KCNT2: variants seen among roughly 807,000 people sequenced by gnomAD.
KCNT2 encodes potassium channel subfamily T member 2.
In KCNT2, 67 loss-of-function variants were observed where a neutral mutation model predicts 153.8. That is an observed-to-expected ratio of 0.44 (90% CI 0.36 to 0.53). The LOEUF (loss-of-function observed/expected upper bound fraction) is 0.53, where lower values mean the gene tolerates loss of function less well. KCNT2 is among the 20% of genes least tolerant of loss of function. The pLI is 0.00. For synonymous variants in KCNT2, 500 were observed against 458.8 expected (o/e 1.09, Z -1.15); for missense variants, 975 against 1,354.8 (o/e 0.72, Z 4.40).
Position 196,526,057 on chromosome 1 carries a change from G to GTGTC in KCNT2, c.96-33717_96-33716insGACA, listed in dbSNP as rs903127531. ...TGTGTGTGTGTGTGTGTGTGTGTGT[G>GTGTC]AATCAGCACACTGAGGGGTACGCAA... On this transcript the variant is annotated intron_variant, in intron 1 of 27. Transcript: ENST00000294725. Among the ~76,000 whole-genome samples the GTGTC allele has an allele frequency of 1.2e-4, 18 of 149,430 alleles. 1 individual carries two copies. The highest frequency in any genetic ancestry group is 1.8e-4 in the Non-Finnish European group (12 of 67,460).
At chr1:196,504,997 T>A (rs1572667060) in intron 1 of KCNT2, among the ~76,000 whole-genome samples, 1 of 152,334 alleles carries the variant, frequency 6.6e-6, no homozygotes, top group East Asian at 1.9e-4. Context: ...TTTTGTCAGA[T>A]AAGTAGGTTG....
At chr1:196,490,887 T>A (rs2148729706) in intron 2 of KCNT2, among the ~76,000 whole-genome samples, 1 of 152,120 alleles carries the variant, frequency 6.6e-6, no homozygotes, top group East Asian at 1.9e-4. Context: ...AATCTAGAAA[T>A]GAAATGTCAC....
intron 2 of KCNT2, among the ~76,000 whole-genome samples, chr1:196,491,538 A>G (rs917970170): frequency 1.3e-5 from 2 of 152,002 alleles, no homozygotes; most frequent in African/African-American, 4.8e-5. Context: ...GTAAGCAATG[A>G]CCATAAAAAA....
chr1:196,398,058 A>C (rs969481533), intron 13 of KCNT2, among the ~76,000 whole-genome samples: 1 of 151,474 alleles, frequency 6.6e-6, no homozygotes, highest in Non-Finnish European at 1.5e-5. Flanking sequence ...CCTTCAAAAA[A>C]GTTCACATGC....
At chr1:196,338,551 T>C (rs1665260055) in intron 16 of KCNT2, among the ~76,000 whole-genome samples, 1 of 152,094 alleles carries the variant, frequency 6.6e-6, no homozygotes, top group Admixed American at 6.6e-5. Flanking sequence ...CTTTTGGTTA[T>C]CCTATTTATA....
intron 25 of KCNT2, among the ~76,000 whole-genome samples, chr1:196,269,035 T>A (rs1312189010): frequency 6.6e-6 from 1 of 152,138 alleles, no homozygotes; most frequent in Non-Finnish European, 1.5e-5. Flanking sequence ...TAGCACCTTA[T>A]AATCTGTGAA....
chr1:196,607,862 C>G (rs1400505207), intron 1 of KCNT2, among the ~76,000 whole-genome samples: 1 of 152,094 alleles, frequency 6.6e-6, no homozygotes, highest in African/African-American at 2.4e-5. Flanking sequence ...GGAAAAAATG[C>G]AAATTTTCTG....
At chr1:196,536,990 T>C (rs1655670378) in intron 1 of KCNT2, among the ~76,000 whole-genome samples, 2 of 152,314 alleles carry the variant, frequency 1.3e-5, no homozygotes, top group Non-Finnish European at 1.5e-5. Flanking sequence ...TTGGGACCAA[T>C]AGCCTACTGG....
Position 196,315,883 on chromosome 1 carries a change from G to C in KCNT2, c.2483+9C>G, listed in dbSNP as rs570524504. On this transcript the variant is annotated intron_variant, in intron 21 of 27. Coordinates refer to ENST00000294725, the MANE Select transcript of KCNT2 (RefSeq NM_198503.5). ...GTAAGTGGCAAGGTTGGATGATTCA[G>C]CCACTTACCTGAAGAGTGTCTGCAC... The C allele has an allele frequency of 1.1e-5, 18 of 1,598,176 alleles. No homozygotes were observed. The South Asian group carries it at 1.8e-4, about 16-fold the overall frequency.
At chr1:196,382,066 A>G (rs1669539451) in intron 13 of KCNT2, among the ~76,000 whole-genome samples, 1 of 107,634 alleles carries the variant, frequency 9.3e-6, no homozygotes, top group Non-Finnish European at 2.2e-5. Flanking sequence ...TCACTTAAGG[A>G]AATAATGTTT....
At chr1:196,292,953 A>G (rs939758847) in intron 22 of KCNT2, among the ~76,000 whole-genome samples, 9 of 151,734 alleles carry the variant, frequency 5.9e-5, no homozygotes, top group Non-Finnish European at 8.8e-5. Context: ...ATCAACACAT[A>G]AAAGTCAACA....
intron 25 of KCNT2, among the ~76,000 whole-genome samples, chr1:196,276,121 T>A (rs574220134): frequency 6.6e-5 from 10 of 152,040 alleles, no homozygotes; most frequent in Admixed American, 1.3e-4. Flanking sequence ...TCTATTGACT[T>A]CTCACTCTGC....
intron 5 of KCNT2, among the ~76,000 whole-genome samples, chr1:196,477,147 G>GT (rs767081831): frequency 6.7e-5 from 10 of 149,814 alleles, no homozygotes; most frequent in Admixed American, 1.3e-4. Flanking sequence ...AGAAATTAGT[G>GT]TTTTTTTTAA....
intron 3 of KCNT2, among the ~76,000 whole-genome samples, chr1:196,488,799 T>C (rs1679632859): frequency 6.6e-6 from 1 of 151,956 alleles, no homozygotes; most frequent in Non-Finnish European, 1.5e-5. Flanking sequence ...CTATGCTTAG[T>C]GTGAGAGCTA....
intron 1 of KCNT2, among the ~76,000 whole-genome samples, chr1:196,524,061 C>T (rs1028511480): frequency 2.6e-5 from 4 of 152,214 alleles, no homozygotes; most frequent in East Asian, 3.9e-4. Flanking sequence ...TTCCCAAAAA[C>T]GAACAAGCTG....
In KCNT2 at chr1:196,285,571, T is replaced by C. The variant is rs1160493953; in HGVS notation, c.2697+86A>G. 3 of 715,858 alleles carry C rather than the reference T, an allele frequency of 4.2e-6. No individual in the cohort carries two copies. The African/African-American group carries it at 5.5e-5, about 13-fold the overall frequency. 44.3% of individuals were successfully genotyped at this position (715,858 alleles called of 1,614,324 possible). On this transcript the variant is annotated intron_variant, in intron 23 of 27. Coordinates refer to ENST00000294725, the MANE Select transcript of KCNT2 (RefSeq NM_198503.5). ...CCAATTTTAAGTTAGTAGCTGCATG[T>C]GAAACACTAGATGTATTATTCATTT...
intron 1 of KCNT2, among the ~76,000 whole-genome samples, chr1:196,563,660 A>T (rs907159350): frequency 5.9e-5 from 9 of 151,932 alleles, no homozygotes; most frequent in Non-Finnish European, 8.8e-5. Context: ...TGATAAGACC[A>T]TTTACCATAA....
At chr1:196,571,102 A>G (rs1660728235) in intron 1 of KCNT2, among the ~76,000 whole-genome samples, 1 of 152,152 alleles carries the variant, frequency 6.6e-6, no homozygotes, top group South Asian at 2.1e-4. Flanking sequence ...ACTTCAACAC[A>G]TTAAATAGTA....
chr1:196,526,546 C>T (rs948528018), intron 1 of KCNT2, among the ~76,000 whole-genome samples: 10 of 151,908 alleles, frequency 6.6e-5, no homozygotes, highest in Admixed American at 5.2e-4. Flanking sequence ...CTCCGCCTCC[C>T]AGGTTCAAGC....
Sources: gnomAD v4.1 joint callset for allele counts (sites outside exome capture counted in the v4.1 genomes callset) on GRCh38, gnomAD v4.1.1 for gene constraint, MANE v1.5 for transcripts, NCBI Gene and HGNC (gene_info 2026-07-23, HGNC 2026-07-21) for gene names.